The following NME6 variants were observed in gnomAD, a reference collection of about 807,000 sequenced individuals.
NME6 encodes nucleoside diphosphate kinase 6, mitochondrial.
A neutral mutation model predicts 22.2 loss-of-function variants in NME6; 16 were observed. The ratio of observed to expected loss-of-function variants is 0.72; its 90% CI spans 0.49 to 1.09. The LOEUF is 1.09. Among genes scored for constraint, NME6 ranks in the 50% least tolerant of loss-of-function variants. The probability of loss-of-function intolerance (pLI) is 0.00; values close to 1 mark genes in which losing one functional copy is unlikely to be tolerated. For synonymous variants in NME6, 58 were observed against 85.2 expected (o/e 0.68, Z 1.76); for missense variants, 229 against 239.0 (o/e 0.96, Z 0.28).
At position 48,294,638 on chromosome 3, in the gene NME6, C is replaced by A; in HGVS notation, c.560G>T (p.Ter187LeuextTer19). Reference sequence around the variant, plus strand: ...ACCACTGGTCTTCATAGACCTGCATCAGGCTGGTCCTAGGCCTCCTGTTCC... The same window carrying A: ...ACCACTGGTCTTCATAGACCTGCATAAGGCTGGTCCTAGGCCTCCTGTTCC... ...VAGTGGLGPA[*>L] The change falls in exon 6 of 6, where the codon TGA becomes TTA. Residue 187 changes from the stop codon to leucine, a stop_lost. Coordinates refer to ENST00000442597, the MANE Select transcript of NME6 (RefSeq NM_001308426.2). 1 of 1,613,916 alleles carries A rather than the reference C, an allele frequency of 6.2e-7. No homozygotes were observed. Among genetic ancestry groups the A allele is most frequent in the Non-Finnish European group, 8.5e-7 (1 of 1,179,872 alleles).
chr3:48,296,093 A>C (rs1393170328), intron 4 of NME6, 26 bp downstream of exon 4: 1 of 1,466,900 alleles, frequency 6.8e-7, no homozygotes, highest in Non-Finnish European at 9.6e-7. Flanking sequence ...CAGTGGATAA[A>C]GATGCTGGAA....
At chr3:48,287,849 T>C (rs1331172848), downstream of NME6, among the ~76,000 whole-genome samples, 1 of 151,746 alleles carries the variant, frequency 6.6e-6, no homozygotes, top group Non-Finnish European at 1.5e-5. Flanking sequence ...GTCTTGGGAG[T>C]CTGAAAAGTT....
intron 1 of NME6, chr3:48,299,270 C>T (rs974290574): frequency 3.0e-6 from 1 of 328,582 alleles, no homozygotes; most frequent in Non-Finnish European, 5.5e-6. Context: ...TCTTTGTATT[C>T]CTAATGTCTA....
intron 1 of NME6, 115 bp downstream of exon 1, chr3:48,301,238 C>T: frequency 1.3e-6 from 2 of 1,552,780 alleles, no homozygotes; most frequent in Non-Finnish European, 1.7e-6. Flanking sequence ...CAGCCCCCTA[C>T]TTCTCTAGGC....
Position 48,301,256 on chromosome 3 carries a change from C to A in NME6, c.-8+97G>T, listed in dbSNP as rs187697393. Reference sequence around the variant, plus strand: ...CCCCCTACTTCTCTAGGCCTGCAACCGCGCAGCCCTCACCCCTCGTACCCG... The same window carrying A: ...CCCCCTACTTCTCTAGGCCTGCAACAGCGCAGCCCTCACCCCTCGTACCCG... On this transcript the variant is annotated intron_variant, in intron 1 of 5. Transcript: ENST00000442597. 362 of 1,583,240 alleles carry A rather than the reference C, an allele frequency of 2.3e-4. 1 individual carries two copies. In the East Asian group the frequency reaches 6.5e-3, roughly 28 times the overall value.
chr3:48,295,872 T>A (rs2035039712), intron 4 of NME6: 1 of 524,840 alleles, frequency 1.9e-6, no homozygotes, highest in African/African-American at 1.9e-5. Context: ...CCTGCCACCA[T>A]GCCGGGCTAA....
At chr3:48,300,212 A>C (rs575252353) in intron 1 of NME6, 21 of 456,548 alleles carry the variant, frequency 4.6e-5, no homozygotes, top group African/African-American at 4.0e-4. Flanking sequence ...CTGTTCTTAG[A>C]ATAAAAACCA....
At chr3:48,289,610 G>A (rs984823274), downstream of NME6, among the ~76,000 whole-genome samples, 2 of 152,204 alleles carry the variant, frequency 1.3e-5, no homozygotes, top group South Asian at 2.1e-4. Flanking sequence ...TACAGCTCCC[G>A]CCTGAGCTCA....
At chr3:48,298,387 T>G in intron 2 of NME6, 40 bp downstream of exon 2, 1 of 1,565,462 alleles carries the variant, frequency 6.4e-7, no homozygotes, top group Non-Finnish European at 8.8e-7. Context: ...GCAGTAGCAA[T>G]TCCCAGGGCA....
chr3:48,297,629 A>G (rs2035255278), intron 2 of NME6: 1 of 152,436 alleles, frequency 6.6e-6, no homozygotes, highest in Non-Finnish European at 1.5e-5. Context: ...GTTACATTAC[A>G]TAACAACAGG....
At chr3:48,300,121 A>G (rs1196779272) in intron 1 of NME6, among the ~76,000 whole-genome samples, 1 of 152,174 alleles carries the variant, frequency 6.6e-6, no homozygotes, top group African/African-American at 2.4e-5. Flanking sequence ...CAACCTCTAC[A>G]ATCTCCACAC....
intron 4 of NME6, 66 bp from the exon 5 acceptor site, chr3:48,295,301 G>A (rs2034968240): frequency 6.6e-7 from 1 of 1,505,038 alleles, no homozygotes; most frequent in Non-Finnish European, 9.0e-7. Context: ...GCTGTGAGCA[G>A]GGCCTGAATA....
intron 1 of NME6, chr3:48,300,436 T>C: frequency 6.9e-6 from 3 of 432,376 alleles, no homozygotes; most frequent in Non-Finnish European, 1.4e-5. Flanking sequence ...CCCACCTTAG[T>C]GATCTTAGCT....
At chr3:48,296,086 T>C (rs1364501762) in intron 4 of NME6, 33 bp downstream of exon 4, 1 of 1,373,224 alleles carries the variant, frequency 7.3e-7, no homozygotes, top group African/African-American at 1.4e-5. Flanking sequence ...TTAGCCTCAG[T>C]GGATAAAGAT....
intron 1 of NME6, chr3:48,301,134 A>C: frequency 2.5e-6 from 2 of 790,682 alleles, no homozygotes; most frequent in Non-Finnish European, 3.9e-6. Flanking sequence ...GCGGCGGCCC[A>C]GCCCTGGTCC....
chr3:48,296,943 G>A, intron 2 of NME6, 114 bp from the exon 3 acceptor site: 1 of 737,122 alleles, frequency 1.4e-6, no homozygotes. Flanking sequence ...ATTGAAGGGT[G>A]AGAAGACGAG....
At chr3:48,295,790 A>T in intron 4 of NME6, 1 of 382,290 alleles carries the variant, frequency 2.6e-6, no homozygotes, top group Admixed American at 4.2e-5. Flanking sequence ...ATCTTGGCTC[A>T]CTTCAACCTC....
chr3:48,300,295 A>C (rs1367975247), intron 1 of NME6: 1 of 456,744 alleles, frequency 2.2e-6, no homozygotes, highest in East Asian at 6.9e-5. Context: ...CCTCATCTGG[A>C]ACCCCACACT....
At chr3:48,294,903 C>A in intron 5 of NME6, 100 bp from the exon 6 acceptor site, 1 of 1,438,366 alleles carries the variant, frequency 7.0e-7, no homozygotes, top group East Asian at 2.3e-5. Context: ...CTGCCTGCCC[C>A]TTCAGTCCTG....
Sources: allele counts gnomAD v4.1 joint callset (sites outside exome capture counted in the v4.1 genomes callset), GRCh38; gene constraint gnomAD v4.1.1; transcripts MANE v1.5; gene names NCBI Gene and HGNC (gene_info 2026-07-23, HGNC 2026-07-21).